Variants in KLF12 observed in about 807,000 individuals in gnomAD.
KLF12 encodes KLF transcription factor 12.
KLF12 carries 9 observed loss-of-function variants against 37.8 expected under a neutral mutation model. The observed-to-expected ratio is 0.24, with a 90% CI of 0.14 to 0.42. The LOEUF (loss-of-function observed/expected upper bound fraction) is 0.42. KLF12 is among the 10% of genes least tolerant of loss of function. The pLI is 1.00. For synonymous variants in KLF12, 208 were observed against 202.1 expected (o/e 1.03, Z -0.25); for missense variants, 411 against 516.0 (o/e 0.80, Z 1.97).
chr13:73,908,728 C>T (rs973450648), intron 3 of KLF12, among the ~76,000 whole-genome samples: 1 of 152,066 alleles, frequency 6.6e-6, no homozygotes, highest in African/African-American at 2.4e-5. Context: ...GATCTGCCCG[C>T]CTAGGCCTCC....
intron 6 of KLF12, among the ~76,000 whole-genome samples, chr13:73,763,267 T>A (rs966913603): frequency 6.6e-6 from 1 of 152,174 alleles, no homozygotes; most frequent in East Asian, 1.9e-4. Flanking sequence ...TATTATGTGC[T>A]TGTGTGATAT....
chr13:74,019,544 T>G (rs990642603), intron 1 of KLF12, among the ~76,000 whole-genome samples: 1 of 152,150 alleles, frequency 6.6e-6, no homozygotes, highest in Non-Finnish European at 1.5e-5. Flanking sequence ...AACTTACAAG[T>G]CCCTTGCAAC....
chr13:73,835,754 A>T (rs1884397758), intron 4 of KLF12, among the ~76,000 whole-genome samples: 1 of 152,168 alleles, frequency 6.6e-6, no homozygotes, highest in African/African-American at 2.4e-5. Flanking sequence ...AAACAAGTTA[A>T]TGAACAAAAG....
intron 1 of KLF12, among the ~76,000 whole-genome samples, chr13:74,039,882 A>T (rs1893355674): frequency 6.6e-6 from 1 of 152,266 alleles, no homozygotes; most frequent in African/African-American, 2.4e-5. Flanking sequence ...CAATTTTCAC[A>T]CATGAGCTAT....
intron 1 of KLF12, among the ~76,000 whole-genome samples, chr13:74,108,766 G>A (rs1198952687): frequency 6.6e-6 from 1 of 152,146 alleles, no homozygotes; most frequent in Non-Finnish European, 1.5e-5. Context: ...AAGTGGAAGT[G>A]AATCATCATA....
the KLF12 span, among the ~76,000 whole-genome samples, chr13:74,303,367 A>G: frequency 6.6e-6 from 1 of 151,918 alleles, no homozygotes; most frequent in East Asian, 1.9e-4. Context: ...CACATTTTCT[A>G]TGTATCTTGG....
chr13:73,822,997 A>C (rs1193075595), intron 4 of KLF12, among the ~76,000 whole-genome samples: 4 of 152,210 alleles, frequency 2.6e-5, no homozygotes, highest in African/African-American at 9.6e-5. Flanking sequence ...TAAAATAATA[A>C]TAAAGTGATT....
the KLF12 span, among the ~76,000 whole-genome samples, chr13:74,286,176 C>T: frequency 6.5e-3 from 990 of 152,280 alleles, 15 homozygotes; most frequent in African/African-American, 0.023. Flanking sequence ...CTCTCTTTCT[C>T]TTCTGTCTCT....
chr13:73,871,415 A>C (rs1364181963), intron 3 of KLF12, among the ~76,000 whole-genome samples: 3 of 152,216 alleles, frequency 2.0e-5, no homozygotes, highest in African/African-American at 7.2e-5. Flanking sequence ...CCTGTACCAT[A>C]CACTAACTGA....
At chr13:74,054,030 T>C (rs1309564471) in intron 1 of KLF12, among the ~76,000 whole-genome samples, 5 of 152,180 alleles carry the variant, frequency 3.3e-5, no homozygotes, top group Non-Finnish European at 7.4e-5. Context: ...GAAATCCCAC[T>C]CTCAAGAAAC....
At position 73,960,759 on chromosome 13, in the gene KLF12, C is replaced by A. The variant is rs570026589; in HGVS notation, c.34-16689G>T. On this transcript the variant is annotated intron_variant, in intron 2 of 7. Transcript: ENST00000377669. Reference sequence around the variant, plus strand: ...TACAGCTTGAACTGCACTATCAAAACGTTTGCAAATATTTTCATTATGCAG... The same window carrying A: ...TACAGCTTGAACTGCACTATCAAAAAGTTTGCAAATATTTTCATTATGCAG... Among the ~76,000 whole-genome samples the A allele has an allele frequency of 5.3e-5, 8 of 152,214 alleles. No homozygotes were observed. The East Asian group carries it at 1.3e-3, about 26-fold the overall frequency.
intron 1 of KLF12, among the ~76,000 whole-genome samples, chr13:74,122,801 A>G (rs1877711057): frequency 6.6e-6 from 1 of 152,086 alleles, no homozygotes; most frequent in African/African-American, 2.4e-5. Context: ...CCATTTTTGT[A>G]AGCAGTGACT....
intron 1 of KLF12, among the ~76,000 whole-genome samples, chr13:74,115,318 T>C (rs1306186633): frequency 4.6e-5 from 7 of 152,152 alleles, no homozygotes; most frequent in African/African-American, 1.7e-4. Flanking sequence ...CTAACAATTT[T>C]CCACAAACCT....
chr13:73,738,120 TATATACACAC>T lies in KLF12; in HGVS notation c.870-22605_870-22596del, dbSNP rs1877644694. 5.7e-5 allele frequency among the ~76,000 whole-genome samples: 4 copies of T among 70,474 alleles called. No homozygotes were observed. The South Asian group carries it at 1.6e-3, about 28-fold the overall frequency. The allele number at this position is 70,474 out of a possible 152,430, so 46.2% of individuals were successfully genotyped here. ...ATATATATATATATATATATATATA[TATATACACAC>T]ACACACATATATATACACACACACA... On this transcript the variant is annotated intron_variant, in intron 6 of 7. Coordinates refer to ENST00000377669, the MANE Select transcript of KLF12 (RefSeq NM_007249.5).
intron 7 of KLF12, among the ~76,000 whole-genome samples, chr13:73,704,926 A>T (rs1275739701): frequency 3.3e-5 from 5 of 152,250 alleles, no homozygotes; most frequent in Non-Finnish European, 5.9e-5. Flanking sequence ...AAAATAGAAC[A>T]TAGGAGGGTC....
intron 1 of KLF12, among the ~76,000 whole-genome samples, chr13:74,067,601 T>C (rs1321240312): frequency 6.6e-6 from 1 of 152,092 alleles, no homozygotes; most frequent in Non-Finnish European, 1.5e-5. Flanking sequence ...AAACTACATA[T>C]TGAAGAAAAA....
intron 3 of KLF12, among the ~76,000 whole-genome samples, chr13:73,873,298 A>T (rs1475419055): frequency 2.0e-5 from 3 of 152,200 alleles, no homozygotes; most frequent in Non-Finnish European, 4.4e-5. Flanking sequence ...TAAACATGAA[A>T]TGAACCATGA....
At chr13:74,215,627 C>T in the KLF12 span, among the ~76,000 whole-genome samples, 1,003 of 152,228 alleles carry the variant, frequency 6.6e-3, 8 homozygotes, top group Non-Finnish European at 9.4e-3. Flanking sequence ...ACCTGATGGC[C>T]TTTCTTTGGG....
chr13:74,239,771 T>A, the KLF12 span, among the ~76,000 whole-genome samples: 1 of 151,200 alleles, frequency 6.6e-6, no homozygotes, highest in Non-Finnish European at 1.5e-5. Context: ...AACCCCTGCC[T>A]TTTTTTTTGC....
Sources: gnomAD v4.1 joint callset for allele counts (sites outside exome capture counted in the v4.1 genomes callset) on GRCh38, gnomAD v4.1.1 for gene constraint, MANE v1.5 for transcripts, NCBI Gene and HGNC (gene_info 2026-07-23, HGNC 2026-07-21) for gene names.